COL24A1: variants seen among roughly 807,000 people sequenced by gnomAD.
The protein encoded by COL24A1 is collagen alpha-1(XXIV) chain.
A neutral mutation model predicts 253.9 loss-of-function variants in COL24A1; 224 were observed. The observed-to-expected ratio is 0.88, with a 90% CI of 0.79 to 0.99. The LOEUF (loss-of-function observed/expected upper bound fraction) is 0.99, where lower values mean the gene tolerates loss of function less well. Ranked by LOEUF, COL24A1 falls within the 50% of genes least tolerant of loss-of-function variation. The pLI is 0.00. For synonymous variants in COL24A1, 685 were observed against 673.7 expected (o/e 1.02, Z -0.26); for missense variants, 2,131 against 2,068.5 (o/e 1.03, Z -0.59).
chr1:86,030,162 T>C (rs1013125722), intron 14 of COL24A1: 4 of 152,200 alleles, frequency 2.6e-5, no homozygotes, highest in African/African-American at 7.2e-5. Flanking sequence ...AAAATCTTTT[T>C]TACTACACAG....
At chr1:85,768,054 C>A (rs1295908530) in intron 53 of COL24A1, among the ~76,000 whole-genome samples, 2 of 152,100 alleles carry the variant, frequency 1.3e-5, no homozygotes, top group Non-Finnish European at 2.9e-5. Flanking sequence ...AATGATGAGA[C>A]AGAATGGTCT....
intron 10 of COL24A1, among the ~76,000 whole-genome samples, chr1:86,051,023 AATGCACTG>A (rs1700258033): frequency 1.3e-5 from 2 of 152,112 alleles, no homozygotes; most frequent in South Asian, 4.1e-4. Flanking sequence ...GGAGTATGGT[AATGCACTG>A]ATGTTATGCT....
At chr1:85,940,625 C>G (rs1688669194) in intron 24 of COL24A1, among the ~76,000 whole-genome samples, 1 of 152,074 alleles carries the variant, frequency 6.6e-6, no homozygotes, top group Admixed American at 6.6e-5. Flanking sequence ...GTCACAGTTC[C>G]TCCACTTCAG....
chr1:86,046,733 A>G (rs1699930727), intron 12 of COL24A1, 92 bp downstream of exon 12: 5 of 1,479,088 alleles, frequency 3.4e-6, no homozygotes, highest in Non-Finnish European at 4.7e-6. Context: ...AACAACAAAA[A>G]GCAAAAAGTA....
At chr1:85,737,577 TTGA>T in intron 57 of COL24A1, 72 bp from the exon 58 acceptor site, 11 of 1,085,462 alleles carry the variant, frequency 1.0e-5, no homozygotes, top group Non-Finnish European at 1.4e-5. Context: ...TTTTTTTTTT[TTGA>T]GAGAGAGAGT....
In COL24A1 at chr1:86,066,551, C is replaced by T. The variant is rs567887050; in HGVS notation, c.1708-2792G>A. Among the ~76,000 whole-genome samples, 334 of 151,862 alleles carry T rather than the reference C, an allele frequency of 2.2e-3. 1 individual carries two copies. Among genetic ancestry groups the T allele is most frequent in the Admixed American group, 6.3e-3 (96 of 15,268 alleles). On this transcript the variant is annotated intron_variant, in intron 7 of 59. Transcript: ENST00000370571. ...GAGCCACTGCGCCCTGCTAAAATAT[C>T]CTAAGTCCCCTTTCTACGCAATCCG...
intron 21 of COL24A1, among the ~76,000 whole-genome samples, chr1:85,971,103 G>A (rs1692119229): frequency 6.6e-6 from 1 of 152,046 alleles, no homozygotes; most frequent in Non-Finnish European, 1.5e-5. Flanking sequence ...CAGCTACTTG[G>A]GAGGGTGAGG....
intron 19 of COL24A1, among the ~76,000 whole-genome samples, chr1:85,990,958 G>A (rs1694196547): frequency 6.6e-6 from 1 of 152,154 alleles, no homozygotes; most frequent in African/African-American, 2.4e-5. Context: ...ATTCCAGCCA[G>A]TAAGTGAAAA....
chr1:85,809,768 C>A (rs911183505), intron 47 of COL24A1, among the ~76,000 whole-genome samples: 8 of 147,698 alleles, frequency 5.4e-5, no homozygotes, highest in African/African-American at 2.0e-4. Flanking sequence ...TATACACACA[C>A]ACATATATAT....
At chr1:85,856,691 C>A (rs1321204997) in intron 37 of COL24A1, among the ~76,000 whole-genome samples, 1 of 152,158 alleles carries the variant, frequency 6.6e-6, no homozygotes, top group African/African-American at 2.4e-5. Flanking sequence ...TACTCTTCCC[C>A]ACCTCCACTG....
chr1:85,803,587 CTTT>C (rs35131423), intron 47 of COL24A1, among the ~76,000 whole-genome samples: 1 of 148,580 alleles, frequency 6.7e-6, no homozygotes, highest in African/African-American at 2.5e-5. Flanking sequence ...TAGGTTTGCA[CTTT>C]TTTTTTTTGG....
chr1:85,859,790 T>C (rs428475), intron 37 of COL24A1, among the ~76,000 whole-genome samples: 1 of 152,010 alleles, frequency 6.6e-6, no homozygotes. Context: ...TTTTTTTTAC[T>C]ATGTACATGT....
At chr1:85,771,949 G>C (rs796839471) in intron 53 of COL24A1, among the ~76,000 whole-genome samples, 1,783 of 68,166 alleles carry the variant, frequency 0.026, 16 homozygotes, top group Admixed American at 0.083. Flanking sequence ...TCCCTCCCCC[G>C]TACCCCCACC....
chr1:85,919,886 G>A (rs370360897), intron 24 of COL24A1, among the ~76,000 whole-genome samples: 12 of 152,246 alleles, frequency 7.9e-5, no homozygotes, highest in South Asian at 4.1e-4. Flanking sequence ...GTGAATTTAC[G>A]TATTAACATA....
intron 3 of COL24A1, among the ~76,000 whole-genome samples, chr1:86,118,619 T>A (rs916370938): frequency 6.6e-6 from 1 of 152,088 alleles, no homozygotes; most frequent in South Asian, 2.1e-4. Context: ...TAAAAAGACA[T>A]ACATTAACAG....
At chr1:85,885,280 A>G (rs901153676) in intron 32 of COL24A1, among the ~76,000 whole-genome samples, 88 of 151,572 alleles carry the variant, frequency 5.8e-4, no homozygotes, top group Non-Finnish European at 9.4e-4. Context: ...GGCTCACTGC[A>G]ACCTCCGCCT....
intron 37 of COL24A1, among the ~76,000 whole-genome samples, chr1:85,862,596 A>G (rs771817493): frequency 9.2e-5 from 14 of 152,292 alleles, no homozygotes; most frequent in Non-Finnish European, 1.6e-4. Flanking sequence ...TAAATCAAAG[A>G]ATGACTCACT....
At chr1:85,786,320 A>G in intron 48 of COL24A1, 34 bp downstream of exon 48, 2 of 1,580,822 alleles carry the variant, frequency 1.3e-6, no homozygotes, top group Non-Finnish European at 1.7e-6. Context: ...GATGGCCAAT[A>G]CTGCTTACCC....
At chr1:85,884,653 C>T (rs1682260324) in intron 32 of COL24A1, among the ~76,000 whole-genome samples, 1 of 152,102 alleles carries the variant, frequency 6.6e-6, no homozygotes, top group African/African-American at 2.4e-5. Flanking sequence ...CTTCCTCCAG[C>T]TGAAGGCTAG....
Sources: allele counts gnomAD v4.1 joint callset (sites outside exome capture counted in the v4.1 genomes callset), GRCh38; gene constraint gnomAD v4.1.1; transcripts MANE v1.5; gene names NCBI Gene and HGNC (gene_info 2026-07-23, HGNC 2026-07-21).